The following EIF3A variants were observed in gnomAD, a reference collection of about 807,000 sequenced individuals.
The protein encoded by EIF3A is EIF3, p180 subunit.
A neutral mutation model predicts 186.6 loss-of-function variants in EIF3A; 21 were observed. The observed-to-expected ratio is 0.11, with a 90% CI of 0.08 to 0.16. The LOEUF (loss-of-function observed/expected upper bound fraction) is 0.16, where lower values mean the gene tolerates loss of function less well. EIF3A is among the 10% of genes least tolerant of loss of function. The probability of loss-of-function intolerance (pLI) is 1.00; values close to 1 mark genes in which losing one functional copy is unlikely to be tolerated. For synonymous variants in EIF3A, 563 were observed against 584.3 expected, an observed-to-expected ratio of 0.96 and a Z score of 0.52; for missense variants, 1,306 against 1,796.3, an observed-to-expected ratio of 0.73 and a Z score of 4.93.
chr10:119,075,564 C>A (rs1223616624), intron 1 of EIF3A, among the ~76,000 whole-genome samples: 1 of 133,350 alleles, frequency 7.5e-6, no homozygotes, highest in Non-Finnish European at 1.6e-5. Context: ...CACAAACTTC[C>A]CAATGAACAT....
At chr10:119,073,323 C>T (rs1844108731) in intron 3 of EIF3A, 118 bp downstream of exon 3, 4 of 840,400 alleles carry the variant, frequency 4.8e-6, no homozygotes, top group Non-Finnish European at 7.3e-6. Context: ...GCATTTAAAA[C>T]TTCAAAGATT....
At chr10:119,049,314 G>T (rs888867259) in intron 17 of EIF3A, among the ~76,000 whole-genome samples, 1 of 151,968 alleles carries the variant, frequency 6.6e-6, no homozygotes, top group Non-Finnish European at 1.5e-5. Flanking sequence ...AGTAAATTTT[G>T]TATTTTCTAC....
chr10:119,061,409 T>C lies in EIF3A; in HGVS notation c.1123-81A>G, dbSNP rs571003174. 14 of 596,956 alleles carry C rather than the reference T, an allele frequency of 2.3e-5. No individual in the cohort carries two copies. The East Asian group carries it at 3.3e-4, about 14-fold the overall frequency. 37.0% of individuals were successfully genotyped at this position (596,956 alleles called of 1,614,324 possible). On this transcript the variant is annotated intron_variant, in intron 7 of 21. Transcript: ENST00000369144. The stretch of plus-strand genomic sequence containing the variant: ...TCTGAACTTAGTATAAATGATAGCA[T>C]TGGAAATCTGGAAAATGATTTAAAA...
chr10:119,057,597 A>G lies in EIF3A; in HGVS notation c.1977+359T>C, dbSNP rs560791903. 5.9e-5 allele frequency among the ~76,000 whole-genome samples: 9 copies of G among 152,288 alleles called. No homozygotes were observed. The East Asian group carries it at 1.7e-3, about 29-fold the overall frequency. On this transcript the variant is annotated intron_variant, in intron 12 of 21. Coordinates refer to ENST00000369144, the MANE Select transcript of EIF3A (RefSeq NM_003750.4). ...CAAGACCAGCCTGGCCAACATGGTG[A>G]AACCCTGTCTCTACTAAAAATACAA...
intron 14 of EIF3A, among the ~76,000 whole-genome samples, chr10:119,052,068 T>C (rs533763041): frequency 2.0e-5 from 3 of 152,282 alleles, no homozygotes; most frequent in South Asian, 2.1e-4. Context: ...GCCACACTGA[T>C]TGCAACCTCT....
chr10:119,055,085 G>A (rs1253417664), intron 14 of EIF3A, among the ~76,000 whole-genome samples: 2 of 152,162 alleles, frequency 1.3e-5, no homozygotes, highest in African/African-American at 4.8e-5. Context: ...GCAGGCGCCT[G>A]TAATCCCAGC....
chr10:119,059,081 A>T, intron 11 of EIF3A, 131 bp downstream of exon 11: 1 of 751,038 alleles, frequency 1.3e-6, no homozygotes, highest in Non-Finnish European at 2.2e-6. Flanking sequence ...ACTACCAAGT[A>T]CAATTCTATA....
At chr10:119,059,878 A>G (rs148278723) in intron 9 of EIF3A, 160 bp from the exon 10 acceptor site, 2 of 666,352 alleles carry the variant, frequency 3.0e-6, no homozygotes, top group Non-Finnish European at 2.7e-6. Flanking sequence ...CATCGACTCT[A>G]AACTCCATGC....
In EIF3A at chr10:119,050,602, G is replaced by A. The variant is rs2119818682; in HGVS notation, c.2392C>T (p.Arg798Cys). 2 of 1,613,644 alleles carry A rather than the reference G, an allele frequency of 1.2e-6. No individual in the cohort carries two copies. Among genetic ancestry groups the A allele is most frequent in the Non-Finnish European group, 1.7e-6 (2 of 1,179,888 alleles). ...TATGTTATCCTGCGTTCTTCTTTACGCTGCCTTTTCCGTTCTTCCAATCGA... is the reference window on the plus strand; with the variant it reads ...TATGTTATCCTGCGTTCTTCTTTACACTGCCTTTTCCGTTCTTCCAATCGA... ...HNRLEERKRQRKEERRITYYR... is the reference protein window; with the variant it reads ...HNRLEERKRQCKEERRITYYR... Residue 798 changes from arginine to cysteine, a missense_variant, in exon 16 of 22, where the codon CGT (arginine) becomes TGT (cysteine). This residue lies in a region of EIF3A where 410 missense variants were observed against 473.5 expected (regional missense o/e 0.87). Transcript: ENST00000369144.
intron 19 of EIF3A, among the ~76,000 whole-genome samples, chr10:119,039,591 G>A (rs1848181076): frequency 6.6e-6 from 1 of 152,138 alleles, no homozygotes; most frequent in Non-Finnish European, 1.5e-5. Context: ...GATCTCTTGA[G>A]CCCAGGAGGC....
chr10:119,073,429 TA>T lies in EIF3A; in HGVS notation c.377+11del. On this transcript the variant is annotated intron_variant, in intron 3 of 21. Transcript: ENST00000369144. ...ACTATCAAAGCATTTATTAGAGGTC[TA>T]ACCCACATACCTCTCAGGAGTTTGA... The T allele has an allele frequency of 6.3e-7, 1 of 1,580,030 alleles. No homozygotes were observed. Among genetic ancestry groups the T allele is most frequent in the Non-Finnish European group, 8.6e-7 (1 of 1,156,896 alleles).
At chr10:119,040,889 C>T (rs753179431) in intron 19 of EIF3A, among the ~76,000 whole-genome samples, 3 of 151,788 alleles carry the variant, frequency 2.0e-5, no homozygotes, top group Non-Finnish European at 2.9e-5. Context: ...ACCTGTTGTC[C>T]CAGCTACTCA....
In EIF3A at chr10:119,034,582, G is replaced by A. The variant is rs1254048489; in HGVS notation, c.*1457C>T. The A allele has an allele frequency of 6.6e-6, 1 of 152,112 alleles. No homozygotes were observed. The highest frequency in any genetic ancestry group is 1.9e-4 in the East Asian group (1 of 5,200). The allele number at this position is 152,112 out of a possible 1,614,324, so 9.4% of individuals were successfully genotyped here. A position where few individuals can be genotyped will look rare whatever the true frequency, so the allele number is the denominator to read the frequency against. The stretch of plus-strand genomic sequence containing the variant: ...GTGTTTAAAATGATTTCTATCATTG[G>A]TAACATCAAACAAAAATAGCTGCAT... On this transcript the variant is annotated 3_prime_UTR_variant, in exon 22 of 22. Coordinates refer to ENST00000369144, the MANE Select transcript of EIF3A (RefSeq NM_003750.4).
In EIF3A at chr10:119,047,897, G is replaced by A. The variant is rs141832649; in HGVS notation, c.2658+1904C>T. Among the ~76,000 whole-genome samples the A allele has an allele frequency of 2.2e-3, 334 of 152,064 alleles. 2 individuals carry two copies. Among genetic ancestry groups the A allele is most frequent in the African/African-American group, 7.7e-3 (318 of 41,490 alleles). ...GCAAAAATAGAGGAGCAGAGAAAAG[G>A]CATGCAAGATATCCTTGAGCTTTCT... On this transcript the variant is annotated intron_variant, in intron 17 of 21. Transcript: ENST00000369144.
chr10:119,074,941 A>G (rs1443610750), intron 1 of EIF3A, among the ~76,000 whole-genome samples: 5 of 108,982 alleles, frequency 4.6e-5, no homozygotes, highest in African/African-American at 1.6e-4. Context: ...AAAAAAAAAA[A>G]GGGAAAAAAA....
At chr10:119,044,198 C>CT (rs1848252905) in intron 17 of EIF3A, 56 bp from the exon 18 acceptor site, 3 of 1,106,740 alleles carry the variant, frequency 2.7e-6, no homozygotes. Context: ...ACTATTACAA[C>CT]TACTGGTATT....
chr10:119,046,865 G>C (rs917749891), intron 17 of EIF3A, among the ~76,000 whole-genome samples: 1 of 152,224 alleles, frequency 6.6e-6, no homozygotes, highest in Non-Finnish European at 1.5e-5. Flanking sequence ...GCTGAGGCAG[G>C]AGAATCACTT....
chr10:119,048,684 T>TC lies in EIF3A; in HGVS notation c.2658+1116dup, dbSNP rs1458259323. Among the ~76,000 whole-genome samples the TC allele has an allele frequency of 7.3e-5, 11 of 150,672 alleles. No individual in the cohort carries two copies. The East Asian group carries it at 1.4e-3, about 19-fold the overall frequency. ...AAATTCACGATTCTTTTTTTTTTTTTCCCCTGAGACAGAGTCTTGCTCTGT... is the reference window on the plus strand; with the variant it reads ...AAATTCACGATTCTTTTTTTTTTTTTCCCCCTGAGACAGAGTCTTGCTCTGT... On this transcript the variant is annotated intron_variant, in intron 17 of 21. Coordinates refer to ENST00000369144, the MANE Select transcript of EIF3A (RefSeq NM_003750.4).
chr10:119,070,790 A>C (rs762365110), intron 5 of EIF3A, 96 bp downstream of exon 5: 23 of 835,668 alleles, frequency 2.8e-5, no homozygotes, highest in Admixed American at 4.2e-5. Context: ...TATTGAAATT[A>C]ACCAATGCAT....
Sources: allele counts gnomAD v4.1 joint callset (sites outside exome capture counted in the v4.1 genomes callset), GRCh38; gene constraint gnomAD v4.1.1; regional missense constraint gnomAD v4.1.1; transcripts MANE v1.5; gene names NCBI Gene and HGNC (gene_info 2026-07-23, HGNC 2026-07-21).